Variants in FGD6 observed in about 807,000 individuals in gnomAD.
FGD6 encodes FYVE, RhoGEF and PH domain containing 6.
A neutral mutation model predicts 149.4 loss-of-function variants in FGD6; 90 were observed. That is an observed-to-expected ratio of 0.60 (90% CI 0.51 to 0.72). The LOEUF (loss-of-function observed/expected upper bound fraction) is 0.72. Ranked by LOEUF, FGD6 falls within the 30% of genes least tolerant of loss-of-function variation. The probability of loss-of-function intolerance (pLI) is 0.00; values close to 1 mark genes in which losing one functional copy is unlikely to be tolerated. For synonymous variants in FGD6, 527 were observed against 584.0 expected, an observed-to-expected ratio of 0.90 and a Z score of 1.41; for missense variants, 1,437 against 1,684.8, an observed-to-expected ratio of 0.85 and a Z score of 2.57.
Position 95,107,021 on chromosome 12 carries a change from A to T in FGD6, c.3350T>A (p.Leu1117Gln), listed in dbSNP as rs1878651377. ...RMFFLFNDAL[L>Q]YTTPVQSGMY... ...CCCAGACTGCACTGGTGTTGTATAC[A>T]GCAGGGCATCATTAAACTGAAAGTA... The change falls in exon 13 of 21, where the codon CTG (leucine) becomes CAG (glutamine). Residue 1117 changes from leucine (L) to glutamine (Q), a missense_variant. Transcript: ENST00000343958. 1 of 1,611,352 alleles carries T rather than the reference A, an allele frequency of 6.2e-7. No homozygotes were observed. The highest frequency in any genetic ancestry group is 8.5e-7 in the Non-Finnish European group (1 of 1,179,088).
intron 14 of FGD6, among the ~76,000 whole-genome samples, chr12:95,104,292 T>C (rs1392758858): frequency 6.6e-6 from 1 of 152,056 alleles, no homozygotes; most frequent in Non-Finnish European, 1.5e-5. Context: ...CTCACAAAAA[T>C]CTATGTTTAT....
chr12:95,095,680 A>C (rs1024033553), intron 14 of FGD6, among the ~76,000 whole-genome samples: 1 of 152,118 alleles, frequency 6.6e-6, no homozygotes, highest in African/African-American at 2.4e-5. Context: ...TTAAAAAAAA[A>C]AGTCTGTAGT....
At chr12:95,117,515 C>A (rs1879055460) in intron 8 of FGD6, among the ~76,000 whole-genome samples, 1 of 151,984 alleles carries the variant, frequency 6.6e-6, no homozygotes, top group Admixed American at 6.6e-5. Context: ...GCTTCAATCT[C>A]CCAGGCTCAA....
chr12:95,127,903 A>G (rs894775225), intron 8 of FGD6, among the ~76,000 whole-genome samples: 1 of 152,182 alleles, frequency 6.6e-6, no homozygotes, highest in African/African-American at 2.4e-5. Flanking sequence ...CCTGTATCTT[A>G]TATTTTCTCT....
At chr12:95,084,690 A>G in intron 19 of FGD6, 44 bp from the exon 20 acceptor site, 1 of 1,508,908 alleles carries the variant, frequency 6.6e-7, no homozygotes, top group Non-Finnish European at 8.8e-7. Context: ...TTAGATTGAG[A>G]CAAAATTCAG....
chr12:95,214,788 A>G (rs879357450), intron 1 of FGD6, among the ~76,000 whole-genome samples: 1 of 152,004 alleles, frequency 6.6e-6, no homozygotes, highest in Non-Finnish European at 1.5e-5. Flanking sequence ...GACAATGAAG[A>G]CAGTGACCTG....
At chr12:95,178,750 C>A (rs1027586483) in intron 2 of FGD6, among the ~76,000 whole-genome samples, 1 of 151,852 alleles carries the variant, frequency 6.6e-6, no homozygotes, top group Non-Finnish European at 1.5e-5. Context: ...GAGTTAAATT[C>A]TTTAGTATTC....
chr12:95,179,766 G>A (rs1368799540), intron 2 of FGD6, among the ~76,000 whole-genome samples: 1 of 151,034 alleles, frequency 6.6e-6, no homozygotes, highest in Non-Finnish European at 1.5e-5. Flanking sequence ...AAATAAATTG[G>A]GGTTATACAT....
At position 95,210,335 on chromosome 12, in the gene FGD6, G is replaced by A; in HGVS notation, c.949C>T (p.Pro317Ser). The A allele has an allele frequency of 6.2e-7, 1 of 1,613,950 alleles. No individual in the cohort carries two copies. Among genetic ancestry groups the A allele is most frequent in the Non-Finnish European group, 8.5e-7 (1 of 1,179,990 alleles). Residue 317 changes from proline to serine, a missense_variant, in exon 2 of 21, where the codon CCC becomes TCC. This residue lies in a region of FGD6 where 1,055 missense variants were observed against 1,146.0 expected (regional missense o/e 0.92). Coordinates refer to ENST00000343958, the MANE Select transcript of FGD6 (RefSeq NM_018351.4). Reference protein sequence around the residue: ...PYTPKFPTPKPRKTRTARLLR... With the variant: ...PYTPKFPTPKSRKTRTARLLR... ...AGACGAGCAGTTCGTGTCTTTCTGGGCTTGGGAGTTGGAAATTTTGGGGTA... is the reference window on the plus strand; with the variant it reads ...AGACGAGCAGTTCGTGTCTTTCTGGACTTGGGAGTTGGAAATTTTGGGGTA...
intron 8 of FGD6, among the ~76,000 whole-genome samples, chr12:95,118,189 A>G (rs1050758802): frequency 1.1e-4 from 17 of 151,980 alleles, no homozygotes; most frequent in African/African-American, 4.1e-4. Context: ...CATCTCTACT[A>G]AAAATATAAA....
intron 5 of FGD6, among the ~76,000 whole-genome samples, chr12:95,148,187 C>T (rs1880069672): frequency 1.4e-5 from 2 of 148,056 alleles, no homozygotes; most frequent in South Asian, 2.1e-4. Flanking sequence ...TCACAAGACT[C>T]AAAAGTCAGG....
At chr12:95,140,569 A>G (rs1879813816) in intron 6 of FGD6, among the ~76,000 whole-genome samples, 1 of 152,140 alleles carries the variant, frequency 6.6e-6, no homozygotes, top group South Asian at 2.1e-4. Flanking sequence ...GTGAGCTGCG[A>G]TCGTGCCATT....
intron 3 of FGD6, among the ~76,000 whole-genome samples, chr12:95,160,629 T>C (rs537585007): frequency 2.0e-5 from 3 of 152,368 alleles, no homozygotes; most frequent in East Asian, 1.9e-4. Context: ...ATAGTCTCCA[T>C]GTTCCTAGAA....
chr12:95,137,423 CT>C, intron 7 of FGD6, 98 bp downstream of exon 7: 1 of 1,120,796 alleles, frequency 8.9e-7, no homozygotes, highest in Non-Finnish European at 1.2e-6. Flanking sequence ...TTAACTTTTT[CT>C]TTGTTTGCAA....
At chr12:95,119,176 G>A (rs1416796234) in intron 8 of FGD6, among the ~76,000 whole-genome samples, 1 of 152,156 alleles carries the variant, frequency 6.6e-6, no homozygotes, top group African/African-American at 2.4e-5. Context: ...GTTGAGGCAT[G>A]GGACTTTGGC....
intron 2 of FGD6, among the ~76,000 whole-genome samples, chr12:95,174,606 G>A (rs1037388911): frequency 6.6e-6 from 1 of 152,182 alleles, no homozygotes; most frequent in African/African-American, 2.4e-5. Flanking sequence ...CAGATAGTTA[G>A]TAATAGGGCT....
At chr12:95,159,014 C>T (rs1471158305) in intron 3 of FGD6, among the ~76,000 whole-genome samples, 1 of 152,128 alleles carries the variant, frequency 6.6e-6, no homozygotes, top group Non-Finnish European at 1.5e-5. Flanking sequence ...AAGAGCGGAT[C>T]TTATCAGTAG....
intron 11 of FGD6, 111 bp downstream of exon 11, chr12:95,108,237 G>C (rs1289871975): frequency 1.1e-6 from 1 of 894,606 alleles, no homozygotes; most frequent in Non-Finnish European, 1.7e-6. Flanking sequence ...GATCAAAATT[G>C]AATCAATGAA....
chr12:95,084,516 T>C lies in FGD6; in HGVS notation c.4238A>G (p.Asp1413Gly), dbSNP rs1455654004. 1 of 1,571,704 alleles carries C rather than the reference T, an allele frequency of 6.4e-7. No homozygotes were observed. Among genetic ancestry groups the C allele is most frequent in the East Asian group, 2.3e-5 (1 of 42,884 alleles). Residue 1413 changes from aspartate to glycine, a missense_variant, in exon 20 of 21, where the codon GAT becomes GGT. By Grantham distance (94) the Asp-to-Gly change is moderately conservative. Coordinates refer to ENST00000343958, the MANE Select transcript of FGD6 (RefSeq NM_018351.4). Reference protein sequence around the residue: ...NMLFYVFKAEDAHSAQKWIEA... With the variant: ...NMLFYVFKAEGAHSAQKWIEA... ...TACTTACTTCTGAGCCGAATGAGCA[T>C]CCTCTGCTTTGAATACATAAAATAA...
Sources: gnomAD v4.1 joint callset for allele counts (sites outside exome capture counted in the v4.1 genomes callset) on GRCh38, gnomAD v4.1.1 for gene constraint, gnomAD v4.1.1 regional missense constraint, MANE v1.5 for transcripts, NCBI Gene and HGNC (gene_info 2026-07-23, HGNC 2026-07-21) for gene names.